Variants in GABRG2 observed in about 807,000 individuals in gnomAD.
GABRG2 encodes gamma-aminobutyric acid type A receptor subunit gamma2, also known as gamma-aminobutyric acid receptor subunit gamma-2.
In GABRG2, 16 loss-of-function variants were observed where a neutral mutation model predicts 56.4. That is an observed-to-expected ratio of 0.28 (90% CI 0.19 to 0.43). GABRG2 has a LOEUF of 0.43. Among genes scored for constraint, GABRG2 ranks in the 20% least tolerant of loss-of-function variants. The pLI, the probability that GABRG2 is intolerant of heterozygous loss-of-function variation, is 1.00. For missense variants in GABRG2, 327 were observed against 582.7 expected, an observed-to-expected ratio of 0.56 and a Z score of 4.52; for synonymous variants, 208 against 205.5, an observed-to-expected ratio of 1.01 and a Z score of -0.10.
At chr5:162,122,058 T>A (rs1449897505) in intron 6 of GABRG2, among the ~76,000 whole-genome samples, 1 of 151,988 alleles carries the variant, frequency 6.6e-6, no homozygotes, top group Non-Finnish European at 1.5e-5. Context: ...AACTTTAAAT[T>A]ACATAAGAAG....
chr5:162,076,952 A>C (rs1561635553), intron 1 of GABRG2, among the ~76,000 whole-genome samples: 1 of 152,116 alleles, frequency 6.6e-6, no homozygotes, highest in Non-Finnish European at 1.5e-5. Flanking sequence ...CACATAATAG[A>C]CTTTTCCCCT....
intron 7 of GABRG2, among the ~76,000 whole-genome samples, chr5:162,145,872 T>C (rs1472251125): frequency 1.3e-5 from 2 of 152,152 alleles, no homozygotes; most frequent in Admixed American, 1.3e-4. Context: ...AAATATCAGT[T>C]GTGATTAGGT....
intron 6 of GABRG2, among the ~76,000 whole-genome samples, chr5:162,114,650 A>G (rs1298900594): frequency 6.6e-6 from 1 of 152,170 alleles, no homozygotes; most frequent in East Asian, 1.9e-4. Flanking sequence ...GTTTGCCTGA[A>G]AATAAAGATT....
chr5:162,067,501 G>C (rs966989436), upstream of GABRG2: 3 of 424,574 alleles, frequency 7.1e-6, no homozygotes, highest in Non-Finnish European at 1.2e-5. Context: ...CTGCGTGATA[G>C]TTAATCACGC....
intron 6 of GABRG2, among the ~76,000 whole-genome samples, chr5:162,119,110 A>T (rs1361407521): frequency 2.6e-5 from 4 of 152,138 alleles, no homozygotes; most frequent in African/African-American, 7.2e-5. Context: ...AGGATGAAAG[A>T]CAATTTGAAA....
At chr5:162,125,615 A>T (rs1763288713) in intron 6 of GABRG2, among the ~76,000 whole-genome samples, 1 of 151,802 alleles carries the variant, frequency 6.6e-6, no homozygotes, top group Admixed American at 6.6e-5. Context: ...CAGTTGTCCA[A>T]AGAACAGCAA....
intron 6 of GABRG2, among the ~76,000 whole-genome samples, chr5:162,118,312 T>C (rs1290795606): frequency 6.6e-6 from 1 of 151,872 alleles, no homozygotes; most frequent in Non-Finnish European, 1.5e-5. Flanking sequence ...GCCTGATAGG[T>C]TTTATTGTTT....
intron 6 of GABRG2, among the ~76,000 whole-genome samples, chr5:162,119,872 A>G (rs1324746223): frequency 6.6e-6 from 1 of 152,152 alleles, no homozygotes; most frequent in Non-Finnish European, 1.5e-5. Flanking sequence ...TGGTATAGTC[A>G]TAATGCTGTT....
chr5:162,069,402 C>T (rs985878864), intron 1 of GABRG2, among the ~76,000 whole-genome samples: 3 of 152,072 alleles, frequency 2.0e-5, no homozygotes, highest in East Asian at 3.9e-4. Context: ...TTTTGTGGGT[C>T]GACAATCTTA....
At chr5:162,074,703 A>G (rs1005618887) in intron 1 of GABRG2, among the ~76,000 whole-genome samples, 3 of 152,086 alleles carry the variant, frequency 2.0e-5, no homozygotes, top group Non-Finnish European at 2.9e-5. Flanking sequence ...AATTGAGGAA[A>G]GCAACTCTAA....
intron 7 of GABRG2, among the ~76,000 whole-genome samples, chr5:162,143,227 C>G (rs568654753): frequency 6.6e-6 from 1 of 152,280 alleles, no homozygotes; most frequent in Admixed American, 6.5e-5. Flanking sequence ...GTTACACATT[C>G]ACCAGCACGC....
intron 7 of GABRG2, among the ~76,000 whole-genome samples, chr5:162,147,307 T>A (rs967645433): frequency 1.3e-5 from 2 of 149,716 alleles, no homozygotes; most frequent in Admixed American, 6.6e-5. Context: ...TTCTTTCTTT[T>A]TCCTTCCTTC....
At chr5:162,088,732 A>C (rs1760327670) in intron 1 of GABRG2, among the ~76,000 whole-genome samples, 1 of 152,118 alleles carries the variant, frequency 6.6e-6, no homozygotes, top group Non-Finnish European at 1.5e-5. Flanking sequence ...TAATGGTTAA[A>C]TGTTTAGTTT....
At chr5:162,149,573 AT>A (rs1025834149) in intron 8 of GABRG2, 2 of 756,752 alleles carry the variant, frequency 2.6e-6, no homozygotes, top group African/African-American at 3.4e-5. Flanking sequence ...GACTAAAGCC[AT>A]TTTTGAGAAA....
intron 6 of GABRG2, among the ~76,000 whole-genome samples, chr5:162,126,753 G>A (rs1284597056): frequency 6.6e-6 from 1 of 151,828 alleles, no homozygotes; most frequent in African/African-American, 2.4e-5. Context: ...CCACATGCCC[G>A]AGGGACTTTT....
chr5:162,067,515 G>A (rs1758302898), upstream of GABRG2: 1 of 429,624 alleles, frequency 2.3e-6, no homozygotes, highest in Non-Finnish European at 4.1e-6. Context: ...ATCACGCAGA[G>A]TCTCTAGTGA....
chr5:162,079,460 C>T (rs1759471915), intron 1 of GABRG2, among the ~76,000 whole-genome samples: 2 of 152,114 alleles, frequency 1.3e-5, no homozygotes, highest in South Asian at 4.1e-4. Context: ...CTATATTATA[C>T]TCTCCTGAAT....
intron 1 of GABRG2, among the ~76,000 whole-genome samples, chr5:162,090,691 A>G (rs1299671868): frequency 6.6e-6 from 1 of 152,166 alleles, no homozygotes; most frequent in Non-Finnish European, 1.5e-5. Context: ...AATTTCAGTT[A>G]TTTTCCTCTG....
At chr5:162,079,503 T>C (rs187251258) in intron 1 of GABRG2, among the ~76,000 whole-genome samples, 1 of 152,282 alleles carries the variant, frequency 6.6e-6, no homozygotes, top group East Asian at 1.9e-4. Flanking sequence ...GTTTTATTAA[T>C]TCCTACCCAC....
Sources: gnomAD v4.1 joint callset for allele counts (sites outside exome capture counted in the v4.1 genomes callset) on GRCh38, gnomAD v4.1.1 for gene constraint, MANE v1.5 for transcripts, NCBI Gene and HGNC (gene_info 2026-07-23, HGNC 2026-07-21) for gene names.